The following MAGI2 variants were observed in gnomAD, a reference collection of about 807,000 sequenced individuals.
MAGI2 encodes membrane-associated guanylate kinase, WW and PDZ domain-containing protein 2.
A neutral mutation model predicts 133.3 loss-of-function variants in MAGI2; 35 were observed. The ratio of observed to expected loss-of-function variants is 0.26; its 90% CI spans 0.20 to 0.35. The LOEUF is 0.35. MAGI2 is among the 10% of genes least tolerant of loss of function. The pLI is 1.00. For missense variants in MAGI2, 1,636 were observed against 1,863.4 expected, an observed-to-expected ratio of 0.88 and a Z score of 2.25; for synonymous variants, 729 against 710.6, an observed-to-expected ratio of 1.03 and a Z score of -0.41.
chr7:79,165,235 G>T (rs1824801547), intron 1 of MAGI2, among the ~76,000 whole-genome samples: 1 of 150,868 alleles, frequency 6.6e-6, no homozygotes, highest in African/African-American at 2.4e-5. Flanking sequence ...ATATTTACTG[G>T]TGAGTATTGA....
In MAGI2 at chr7:78,019,310, G is replaced by A. The variant is rs745962623; in HGVS notation, c.*5C>T. 25 of 1,566,874 alleles carry A rather than the reference G, an allele frequency of 1.6e-5. No homozygotes were observed. On this transcript the variant is annotated 3_prime_UTR_variant, in exon 22 of 22. Transcript: ENST00000354212. ...GGGCGGGCGGGTTGGCCGTGGCCGC[G>A]CGGCTCATCTGCTGGCGGCCGAGGC...
intron 12 of MAGI2, among the ~76,000 whole-genome samples, chr7:78,186,044 T>C (rs1827664811): frequency 6.6e-6 from 1 of 152,174 alleles, no homozygotes; most frequent in Non-Finnish European, 1.5e-5. Flanking sequence ...TAAAATTAGG[T>C]TATAATTTTG....
chr7:78,701,524 T>A (rs1173441683), intron 2 of MAGI2, among the ~76,000 whole-genome samples: 1 of 151,982 alleles, frequency 6.6e-6, no homozygotes, highest in Non-Finnish European at 1.5e-5. Flanking sequence ...ATGTTTGGAA[T>A]CTTACGTAGG....
chr7:78,479,416 T>C (rs1236458392), intron 6 of MAGI2, among the ~76,000 whole-genome samples: 1 of 151,918 alleles, frequency 6.6e-6, no homozygotes, highest in Admixed American at 6.6e-5. Flanking sequence ...ATACTTTCCA[T>C]CCTACAGATC....
intron 2 of MAGI2, among the ~76,000 whole-genome samples, chr7:78,864,084 T>C (rs936967672): frequency 1.3e-5 from 2 of 152,240 alleles, no homozygotes; most frequent in African/African-American, 4.8e-5. Context: ...TTACACAATA[T>C]ATTTTTGTCT....
chr7:78,681,145 A>C (rs775750778), intron 2 of MAGI2, among the ~76,000 whole-genome samples: 6 of 152,108 alleles, frequency 3.9e-5, no homozygotes, highest in Non-Finnish European at 5.9e-5. Context: ...ACATTACAGC[A>C]ACCAGAAATA....
At chr7:79,192,595 T>G (rs1827769247) in intron 1 of MAGI2, among the ~76,000 whole-genome samples, 1 of 151,796 alleles carries the variant, frequency 6.6e-6, no homozygotes, top group African/African-American at 2.4e-5. Context: ...GGCAAATATG[T>G]GTGAAGACCC....
chr7:78,591,850 T>C (rs990745034), intron 3 of MAGI2, among the ~76,000 whole-genome samples: 1 of 152,076 alleles, frequency 6.6e-6, no homozygotes, highest in African/African-American at 2.4e-5. Context: ...GATAAGAACA[T>C]AAGAATCAGT....
chr7:79,153,755 C>T (rs1823499232), intron 1 of MAGI2, among the ~76,000 whole-genome samples: 1 of 152,096 alleles, frequency 6.6e-6, no homozygotes, highest in African/African-American at 2.4e-5. Flanking sequence ...CAATGGAGGA[C>T]AGGCTGAAGA....
intron 9 of MAGI2, among the ~76,000 whole-genome samples, chr7:78,301,999 G>T (rs921968133): frequency 6.6e-6 from 1 of 152,284 alleles, no homozygotes; most frequent in East Asian, 1.9e-4. Context: ...GTAGAGCCCT[G>T]AGCACAGGGT....
rs1792915999 is a variant in MAGI2 at position 78,849,288 on chromosome 7, G to C, written c.418+157802C>G. Among the ~76,000 whole-genome samples, 3 of 151,994 alleles carry C rather than the reference G, an allele frequency of 2.0e-5. No individual in the cohort carries two copies. The South Asian group carries it at 6.2e-4, about 31-fold the overall frequency. The stretch of plus-strand genomic sequence containing the variant: ...GTACTCAGGATGCAGAAATAGTAGA[G>C]AAAGGAGAGTGAGCAATATCTTGGA... On this transcript the variant is annotated intron_variant, in intron 2 of 21. Transcript: ENST00000354212.
intron 1 of MAGI2, among the ~76,000 whole-genome samples, chr7:79,018,218 A>G (rs112655721): frequency 2.7e-4 from 41 of 152,168 alleles, no homozygotes; most frequent in African/African-American, 9.1e-4. Context: ...CAGAAACCCT[A>G]CAAGCAGAAG....
intron 2 of MAGI2, among the ~76,000 whole-genome samples, chr7:78,728,415 G>T (rs1012096280): frequency 6.6e-6 from 1 of 151,936 alleles, no homozygotes; most frequent in African/African-American, 2.4e-5. Flanking sequence ...TTACTCTATG[G>T]AACTCAAATT....
intron 12 of MAGI2, among the ~76,000 whole-genome samples, chr7:78,186,777 T>A (rs1273342403): frequency 2.0e-5 from 3 of 152,176 alleles, no homozygotes; most frequent in Non-Finnish European, 4.4e-5. Context: ...GAATGCATTA[T>A]CCAATAAAAC....
chr7:79,428,490 T>C (rs1847551118), intron 1 of MAGI2, among the ~76,000 whole-genome samples: 1 of 152,218 alleles, frequency 6.6e-6, no homozygotes, highest in African/African-American at 2.4e-5. Flanking sequence ...CTGATATTTA[T>C]TTTGTAGGAT....
intron 6 of MAGI2, among the ~76,000 whole-genome samples, chr7:78,470,463 T>C (rs1791083883): frequency 6.6e-6 from 1 of 152,154 alleles, no homozygotes; most frequent in African/African-American, 2.4e-5. Context: ...GGATTATGAA[T>C]GACTGACTGT....
intron 1 of MAGI2, among the ~76,000 whole-genome samples, chr7:79,024,135 C>T (rs1159085958): frequency 3.3e-5 from 5 of 152,002 alleles, no homozygotes; most frequent in African/African-American, 1.2e-4. Context: ...CAAAAACAGA[C>T]ATAGAGACCA....
chr7:79,418,529 G>C (rs112447832), intron 1 of MAGI2, among the ~76,000 whole-genome samples: 1 of 151,948 alleles, frequency 6.6e-6, no homozygotes, highest in South Asian at 2.1e-4. Flanking sequence ...AGATCATTAC[G>C]ATGAAAGACC....
intron 2 of MAGI2, among the ~76,000 whole-genome samples, chr7:78,710,837 A>G (rs953911441): frequency 1.3e-5 from 2 of 152,174 alleles, no homozygotes; most frequent in African/African-American, 4.8e-5. Flanking sequence ...TGCAAAATTG[A>G]TGATTATTAC....
Sources: allele counts gnomAD v4.1 joint callset (sites outside exome capture counted in the v4.1 genomes callset), GRCh38; gene constraint gnomAD v4.1.1; transcripts MANE v1.5; gene names NCBI Gene and HGNC (gene_info 2026-07-23, HGNC 2026-07-21).